The following HS3ST3A1 variants were observed in gnomAD, a reference collection of about 807,000 sequenced individuals.
HS3ST3A1 encodes heparan sulfate-glucosamine 3-sulfotransferase 3A1.
A neutral mutation model predicts 25.7 loss-of-function variants in HS3ST3A1; 19 were observed. That is an observed-to-expected ratio of 0.74 (90% CI 0.52 to 1.08). The LOEUF (loss-of-function observed/expected upper bound fraction) is 1.08, where lower values mean the gene tolerates loss of function less well. Ranked by LOEUF, HS3ST3A1 falls within the 50% of genes least tolerant of loss-of-function variation. The pLI is 0.00. For missense variants in HS3ST3A1, 459 were observed against 594.3 expected, an observed-to-expected ratio of 0.77 and a Z score of 2.37; for synonymous variants, 226 against 278.6, an observed-to-expected ratio of 0.81 and a Z score of 1.88.
intron 1 of HS3ST3A1, among the ~76,000 whole-genome samples, chr17:13,543,999 A>G (rs1032552473): frequency 1.4e-4 from 21 of 152,234 alleles, no homozygotes; most frequent in African/African-American, 5.1e-4. Flanking sequence ...CTTTTTAAAA[A>G]GAAAGTACAG....
chr17:13,542,470 A>G (rs1055456462), intron 1 of HS3ST3A1, among the ~76,000 whole-genome samples: 22 of 152,052 alleles, frequency 1.4e-4, no homozygotes, highest in Admixed American at 7.9e-4. Context: ...CACAGAGAGA[A>G]GGTGGCCATG....
chr17:13,547,279 G>A (rs915358454), intron 1 of HS3ST3A1, among the ~76,000 whole-genome samples: 13 of 152,140 alleles, frequency 8.5e-5, no homozygotes, highest in Non-Finnish European at 1.2e-4. Context: ...GGAATTTTGG[G>A]AGTAATAAGT....
At chr17:13,573,745 G>A (rs911375771) in intron 1 of HS3ST3A1, among the ~76,000 whole-genome samples, 5 of 152,158 alleles carry the variant, frequency 3.3e-5, no homozygotes, top group Admixed American at 2.0e-4. Context: ...TGTTGAAACT[G>A]TAATCTCCAA....
intron 1 of HS3ST3A1, among the ~76,000 whole-genome samples, chr17:13,509,299 TTAACACCCATG>T (rs1905785058): frequency 6.6e-6 from 1 of 152,152 alleles, no homozygotes; most frequent in Non-Finnish European, 1.5e-5. Context: ...TTTAAAAAAC[TTAACACCCATG>T]TAACCCTGGG....
At chr17:13,532,061 G>A (rs1405623170) in intron 1 of HS3ST3A1, among the ~76,000 whole-genome samples, 1 of 152,184 alleles carries the variant, frequency 6.6e-6, no homozygotes, top group Non-Finnish European at 1.5e-5. Flanking sequence ...TTAGCGGCTG[G>A]TAGTTAGAGC....
At chr17:13,530,005 TACACAC>T (rs3220827) in intron 1 of HS3ST3A1, among the ~76,000 whole-genome samples, 2 of 149,170 alleles carry the variant, frequency 1.3e-5, no homozygotes, top group Admixed American at 6.7e-5. Context: ...TTTATGTAAC[TACACAC>T]ACACACACAC....
intron 1 of HS3ST3A1, among the ~76,000 whole-genome samples, chr17:13,538,345 G>T (rs1185954524): frequency 1.3e-5 from 2 of 152,196 alleles, no homozygotes; most frequent in Non-Finnish European, 2.9e-5. Flanking sequence ...CCACAGAAGT[G>T]ATCTGACCAT....
At chr17:13,501,242 A>G (rs1905465449) in intron 1 of HS3ST3A1, among the ~76,000 whole-genome samples, 1 of 150,964 alleles carries the variant, frequency 6.6e-6, no homozygotes. Flanking sequence ...TAAAATGGTA[A>G]ATTTTATGTT....
chr17:13,541,593 T>G (rs1906934549), intron 1 of HS3ST3A1, among the ~76,000 whole-genome samples: 1 of 152,204 alleles, frequency 6.6e-6, no homozygotes, highest in African/African-American at 2.4e-5. Flanking sequence ...CAATTTTACA[T>G]TCAGTACTGC....
intron 1 of HS3ST3A1, among the ~76,000 whole-genome samples, chr17:13,564,792 C>T (rs1282717182): frequency 2.7e-5 from 4 of 150,092 alleles, no homozygotes; most frequent in Non-Finnish European, 2.9e-5. Context: ...GGTGCGATCG[C>T]AGCTCACTGC....
At chr17:13,576,864 A>G (rs982655386) in intron 1 of HS3ST3A1, among the ~76,000 whole-genome samples, 4 of 152,220 alleles carry the variant, frequency 2.6e-5, no homozygotes, top group Non-Finnish European at 4.4e-5. Flanking sequence ...ACTAGATGGC[A>G]GAACAGACAT....
At position 13,511,508 on chromosome 17, in the gene HS3ST3A1, C is replaced by T. The variant is rs966507412; in HGVS notation, c.600-14690G>A. Among the ~76,000 whole-genome samples the T allele has an allele frequency of 7.2e-5, 11 of 152,114 alleles. No homozygotes were observed. In the East Asian group the frequency reaches 1.7e-3, roughly 24 times the overall value. ...TATCATTTCCTGGTATTACTGAGTG[C>T]TCATTTCTCTGCTTCTCCTCCTAAT... On this transcript the variant is annotated intron_variant, in intron 1 of 1. Transcript: ENST00000284110.
At chr17:13,525,515 T>C (rs1906383409) in intron 1 of HS3ST3A1, among the ~76,000 whole-genome samples, 1 of 152,162 alleles carries the variant, frequency 6.6e-6, no homozygotes. Context: ...TCAGGATACA[T>C]TTAGGCCACT....
chr17:13,543,098 A>C (rs947057358), intron 1 of HS3ST3A1, among the ~76,000 whole-genome samples: 2 of 152,124 alleles, frequency 1.3e-5, no homozygotes, highest in African/African-American at 4.8e-5. Context: ...CCTTTGTAAT[A>C]TCCTTTGTAA....
chr17:13,579,701 C>CAAA lies in HS3ST3A1; in HGVS notation c.599+20827_599+20829dup, dbSNP rs543748713. ...GGGTGACAGAGCCAGACTCCATCTC[C>CAAA]AAAAAAAAAAAAAAAAAAAAAAAAA... On this transcript the variant is annotated intron_variant, in intron 1 of 1. Coordinates refer to ENST00000284110, the MANE Select transcript of HS3ST3A1 (RefSeq NM_006042.3). Among the ~76,000 whole-genome samples, 23 of 23,664 alleles carry CAAA rather than the reference C, an allele frequency of 9.7e-4. 1 individual carries two copies. The highest frequency in any genetic ancestry group is 2.7e-3 in the African/African-American group (14 of 5,226). The allele number at this position is 23,664 out of a possible 152,430, so 15.5% of individuals were successfully genotyped here.
At chr17:13,532,546 A>G (rs1906634003) in intron 1 of HS3ST3A1, among the ~76,000 whole-genome samples, 1 of 152,096 alleles carries the variant, frequency 6.6e-6, no homozygotes, top group South Asian at 2.1e-4. Flanking sequence ...TGAGTTTTCC[A>G]GGAGAGTCCA....
chr17:13,547,776 G>A (rs1172072531), intron 1 of HS3ST3A1, among the ~76,000 whole-genome samples: 1 of 152,078 alleles, frequency 6.6e-6, no homozygotes, highest in African/African-American at 2.4e-5. Context: ...AAGTACAGGA[G>A]GCCTGGGACT....
At chr17:13,506,324 A>G (rs1478628304) in intron 1 of HS3ST3A1, among the ~76,000 whole-genome samples, 1 of 152,122 alleles carries the variant, frequency 6.6e-6, no homozygotes, top group Non-Finnish European at 1.5e-5. Flanking sequence ...CTTCATAAAC[A>G]AAAAAAGTTT....
At position 13,549,705 on chromosome 17, in the gene HS3ST3A1, C is replaced by T. The variant is rs117747155; in HGVS notation, c.599+50826G>A. ...TAGCCAAGCCCCCTAAACCCCCATA[C>T]AGACTTAACATGGTTCCATGCCGAC... On this transcript the variant is annotated intron_variant, in intron 1 of 1. Transcript: ENST00000284110. 1.3e-4 allele frequency among the ~76,000 whole-genome samples: 20 copies of T among 152,320 alleles called. 1 individual carries two copies. In the East Asian group the frequency reaches 3.9e-3, roughly 29 times the overall value.
Sources: allele counts gnomAD v4.1 joint callset (sites outside exome capture counted in the v4.1 genomes callset), GRCh38; gene constraint gnomAD v4.1.1; transcripts MANE v1.5; gene names NCBI Gene and HGNC (gene_info 2026-07-23, HGNC 2026-07-21).